LIPA: variants seen among roughly 807,000 people sequenced by gnomAD.
LIPA encodes the protein lysosomal acid lipase/cholesteryl ester hydrolase.
A neutral mutation model predicts 40.6 loss-of-function variants in LIPA; 26 were observed. The observed-to-expected ratio is 0.64, with a 90% CI of 0.47 to 0.89. The LOEUF (loss-of-function observed/expected upper bound fraction) is 0.89. Among genes scored for constraint, LIPA ranks in the 40% least tolerant of loss-of-function variants. The probability of loss-of-function intolerance (pLI) is 0.00; values close to 1 mark genes in which losing one functional copy is unlikely to be tolerated. For missense variants in LIPA, 455 were observed against 479.6 expected (o/e 0.95, Z 0.48); for synonymous variants, 188 against 168.4 (o/e 1.12, Z -0.90).
At chr10:89,302,019 A>C in intron 1 of LIPA, 1 of 1,308,458 alleles carries the variant, frequency 7.6e-7, no homozygotes, top group South Asian at 1.2e-5. Context: ...CCACTTGTAT[A>C]TATAGGTCTC....
chr10:89,280,718 G>T (rs914252098), intron 1 of LIPA, among the ~76,000 whole-genome samples: 1 of 152,236 alleles, frequency 6.6e-6, no homozygotes, highest in Non-Finnish European at 1.5e-5. Flanking sequence ...TTTCACTAAA[G>T]ATAGAATGTG....
At chr10:89,278,191 T>C (rs144696749) in intron 1 of LIPA, 3 of 152,308 alleles carry the variant, frequency 2.0e-5, no homozygotes, top group African/African-American at 7.2e-5. Context: ...TCTCAGGAAG[T>C]AATAACAGGA....
chr10:89,334,240 A>T (rs944035328), intron 1 of LIPA, among the ~76,000 whole-genome samples: 1 of 152,000 alleles, frequency 6.6e-6, no homozygotes, highest in African/African-American at 2.4e-5. Flanking sequence ...TAGGTGAGAG[A>T]CTGTAACTAT....
chr10:89,251,402 A>C (rs12262734), intron 1 of LIPA, among the ~76,000 whole-genome samples: 12,142 of 152,230 alleles, frequency 0.08, 492 homozygotes, highest in Middle Eastern at 0.16. Flanking sequence ...CAGAGAGAGG[A>C]ATCAGACATC....
chr10:89,215,396 C>T (rs1842612623), intron 9 of LIPA, among the ~76,000 whole-genome samples: 1 of 152,216 alleles, frequency 6.6e-6, no homozygotes, highest in African/African-American at 2.4e-5. Flanking sequence ...AGTTTGGGGT[C>T]ATGCCCTCCT....
chr10:89,390,697 A>G (rs778199806), intron 2 of LIPA, among the ~76,000 whole-genome samples: 1 of 150,598 alleles, frequency 6.6e-6, no homozygotes, highest in African/African-American at 2.4e-5. Flanking sequence ...GCCCAAAGAG[A>G]CACTAAGCAA....
At chr10:89,364,160 T>C (rs1204230233) in intron 2 of LIPA, among the ~76,000 whole-genome samples, 30 of 152,344 alleles carry the variant, frequency 2.0e-4, no homozygotes, top group Non-Finnish European at 1.5e-5. Context: ...CTCCCACTTT[T>C]TGGCTAATGA....
At chr10:89,257,207 T>A (rs911255363) in intron 1 of LIPA, among the ~76,000 whole-genome samples, 4 of 152,254 alleles carry the variant, frequency 2.6e-5, no homozygotes, top group African/African-American at 9.6e-5. Flanking sequence ...TCTTTTGTGA[T>A]AGTTCTGAAT....
intron 1 of LIPA, among the ~76,000 whole-genome samples, chr10:89,289,710 G>A (rs1307303546): frequency 2.0e-5 from 3 of 152,042 alleles, no homozygotes; most frequent in South Asian, 4.2e-4. Context: ...ACCTCAAACT[G>A]CCACCCTTAA....
At chr10:89,355,672 G>C (rs935741510) in intron 2 of LIPA, among the ~76,000 whole-genome samples, 3 of 152,136 alleles carry the variant, frequency 2.0e-5, no homozygotes, top group Non-Finnish European at 4.4e-5. Flanking sequence ...AGGTCAAAAA[G>C]GCCCAGCTGA....
rs770527073 is a variant in LIPA, at chr10:89,384,388, G to A, written c.61+28403C>T. On this transcript the variant is annotated intron_variant, in intron 2 of 8. Coordinates refer to the LIPA transcript ENST00000371837. ...TGCAGAAATAGGCCACCACAGAAAG[G>A]CTGAGGAACATTTTCAGAAAGGGTT... The A allele has an allele frequency of 1.9e-5, 31 of 1,614,002 alleles. No individual in the cohort carries two copies. In the Admixed American group the frequency reaches 5.0e-4, roughly 26 times the overall value.
intron 2 of LIPA, among the ~76,000 whole-genome samples, chr10:89,354,817 C>T (rs905500841): frequency 3.7e-4 from 57 of 152,306 alleles, no homozygotes; most frequent in African/African-American, 1.2e-3. Context: ...CCACCTGCCT[C>T]GGCCTCCCAA....
chr10:89,323,902 T>A (rs1353449649), intron 1 of LIPA, among the ~76,000 whole-genome samples: 2 of 152,192 alleles, frequency 1.3e-5, no homozygotes, highest in Non-Finnish European at 2.9e-5. Flanking sequence ...CCAATGACAG[T>A]CTTCATAGAA....
chr10:89,365,323 T>C (rs916373904), intron 2 of LIPA, among the ~76,000 whole-genome samples: 10 of 152,256 alleles, frequency 6.6e-5, no homozygotes, highest in Admixed American at 6.5e-4. Context: ...GTAAATTTGT[T>C]TGAGTTCTTT....
At chr10:89,330,172 C>T (rs937440095) in intron 1 of LIPA, among the ~76,000 whole-genome samples, 4 of 152,146 alleles carry the variant, frequency 2.6e-5, no homozygotes, top group Admixed American at 1.3e-4. Context: ...GGCTCAGAGG[C>T]CTGACAAGTG....
intron 2 of LIPA, 127 bp from the exon 3 acceptor site, chr10:89,245,920 A>C (rs553526832): frequency 1.4e-6 from 1 of 726,406 alleles, no homozygotes; most frequent in Non-Finnish European, 2.5e-6. Flanking sequence ...TTGAAATTTT[A>C]GTCTGCTAAA....
At chr10:89,402,299 T>C in intron 2 of LIPA, 1 of 1,609,784 alleles carries the variant, frequency 6.2e-7, no homozygotes, top group East Asian at 2.2e-5. Flanking sequence ...GTGATGATCA[T>C]CAGGTCAAGG....
chr10:89,399,893 A>C lies in LIPA; in HGVS notation c.61+12898T>G, dbSNP rs927892773. 3.3e-5 allele frequency among the ~76,000 whole-genome samples: 5 copies of C among 152,232 alleles called. No individual in the cohort carries two copies. In the East Asian group the frequency reaches 9.6e-4, roughly 29 times the overall value. The stretch of plus-strand genomic sequence containing the variant: ...TCTCTCTCTCTGTGCCACTGAGGAA[A>C]GGCCACTTAAGGATGCAGCAAGAAG... On this transcript the variant is annotated intron_variant, in intron 2 of 8. Coordinates refer to the LIPA transcript ENST00000371837.
Position 89,215,032 on chromosome 10 carries a change from G to A in LIPA, c.996C>T (p.Asp332=), listed in dbSNP as rs773803446. 5.0e-6 allele frequency: 8 copies of A among 1,613,758 alleles called. No individual in the cohort carries two copies. In the East Asian group the frequency reaches 1.3e-4, roughly 27 times the overall value. The part of the protein sequence containing the change: ...QSYPPTYNVK[D]MLVPTAVWSG... ...TCCAGACTGCAGTCGGCACAAGCAT[G>A]TCCTTCACATTGTATGTGGGAGGAT... The change falls in exon 10 of 10, where the codon GAC becomes GAT. Residue 332 remains aspartate, a synonymous_variant. Transcript: ENST00000336233.
Sources: gnomAD v4.1 joint callset for allele counts (sites outside exome capture counted in the v4.1 genomes callset) on GRCh38, gnomAD v4.1.1 for gene constraint, MANE v1.5 for transcripts, NCBI Gene and HGNC (gene_info 2026-07-23, HGNC 2026-07-21) for gene names.